CCDC192: variants seen among roughly 807,000 people sequenced by gnomAD.
CCDC192 encodes the protein coiled-coil domain containing 192, also known as coiled-coil domain-containing protein 192.
In CCDC192 at chr5:127,909,630, G is replaced by GA. The variant is rs529431358; in HGVS notation, c.536-31542dup. On this transcript the variant is annotated intron_variant, in intron 6 of 6. Transcript: ENST00000514853. ...TTCATTGTCACATTGCTAGTTAATG[G>GA]AAAAAAAAAACTAGAAGCAACTTTC... Among the ~76,000 whole-genome samples the GA allele has an allele frequency of 4.1e-3, 604 of 148,134 alleles. 2 individuals carry two copies. The highest frequency in any genetic ancestry group is 0.016 in the South Asian group (77 of 4,714).
chr5:127,922,006 G>A (rs914302763), intron 6 of CCDC192, among the ~76,000 whole-genome samples: 4 of 152,150 alleles, frequency 2.6e-5, no homozygotes, highest in African/African-American at 9.7e-5. Context: ...CTCTTCAAAT[G>A]ATAAATATGA....
At chr5:127,908,687 T>A (rs1240273807) in intron 6 of CCDC192, among the ~76,000 whole-genome samples, 1 of 152,214 alleles carries the variant, frequency 6.6e-6, no homozygotes. Flanking sequence ...TTTATTTTAT[T>A]TTTATTTCTC....
At chr5:127,852,595 T>A (rs1750849951) in intron 5 of CCDC192, among the ~76,000 whole-genome samples, 1 of 152,214 alleles carries the variant, frequency 6.6e-6, no homozygotes, top group Admixed American at 6.5e-5. Context: ...CTGTTGTCTT[T>A]GAAGCTTAGC....
intron 5 of CCDC192, among the ~76,000 whole-genome samples, chr5:127,827,167 T>TA (rs1193193098): frequency 1.3e-5 from 2 of 152,114 alleles, no homozygotes; most frequent in Non-Finnish European, 2.9e-5. Context: ...CTCTACAGAA[T>TA]AAAAAAATTA....
chr5:127,714,369 T>A (rs1751504065), intron 2 of CCDC192, among the ~76,000 whole-genome samples: 1 of 152,194 alleles, frequency 6.6e-6, no homozygotes, highest in Non-Finnish European at 1.5e-5. Flanking sequence ...GTAGTGGGGC[T>A]GTTGGATCAT....
intron 6 of CCDC192, among the ~76,000 whole-genome samples, chr5:127,917,882 G>C (rs1019709292): frequency 4.6e-5 from 7 of 152,172 alleles, no homozygotes; most frequent in Non-Finnish European, 8.8e-5. Context: ...GCTCACACCT[G>C]TAATCCCAGC....
At chr5:127,891,859 A>C (rs959520503) in intron 6 of CCDC192, among the ~76,000 whole-genome samples, 2 of 152,160 alleles carry the variant, frequency 1.3e-5, no homozygotes, top group Non-Finnish European at 2.9e-5. Context: ...TAGTGCTTTT[A>C]TGTATGGCAT....
chr5:127,801,022 C>G (rs1288773384), intron 5 of CCDC192, among the ~76,000 whole-genome samples: 1 of 152,118 alleles, frequency 6.6e-6, no homozygotes, highest in Non-Finnish European at 1.5e-5. Context: ...CTGGCACCAT[C>G]AAGCCCTATT....
chr5:127,938,262 T>G (rs1754239930), intron 6 of CCDC192, among the ~76,000 whole-genome samples: 1 of 152,236 alleles, frequency 6.6e-6, no homozygotes, highest in South Asian at 2.1e-4. Context: ...GCTGTGGTAG[T>G]GCATTCAGGC....
intron 5 of CCDC192, among the ~76,000 whole-genome samples, chr5:127,815,888 A>C (rs946373926): frequency 2.6e-5 from 4 of 152,122 alleles, no homozygotes; most frequent in Non-Finnish European, 5.9e-5. Context: ...TAAAAATAAA[A>C]GAGAGAGATG....
At chr5:127,702,242 A>G (rs987606243), upstream of CCDC192, among the ~76,000 whole-genome samples, 1 of 151,958 alleles carries the variant, frequency 6.6e-6, no homozygotes, top group Admixed American at 6.6e-5. Flanking sequence ...ACAGGCGCCC[A>G]CCACCACACC....
chr5:127,881,227 C>T (rs1037798205), intron 6 of CCDC192, among the ~76,000 whole-genome samples: 1 of 152,126 alleles, frequency 6.6e-6, no homozygotes, highest in African/African-American at 2.4e-5. Flanking sequence ...GATACATGGT[C>T]ACCTACTCTG....
At chr5:127,771,889 T>G (rs893153401) in intron 3 of CCDC192, among the ~76,000 whole-genome samples, 3 of 152,146 alleles carry the variant, frequency 2.0e-5, no homozygotes, top group Admixed American at 1.3e-4. Flanking sequence ...GAAGCAGGGA[T>G]TCTCCACGAG....
At chr5:127,752,285 G>C (rs528380973) in intron 2 of CCDC192, among the ~76,000 whole-genome samples, 1 of 152,230 alleles carries the variant, frequency 6.6e-6, no homozygotes, top group Admixed American at 6.5e-5. Flanking sequence ...GTTCAGATGG[G>C]TTTTTGGTGT....
In CCDC192 at chr5:127,719,568, C is replaced by CATATATATAT. The variant is rs142203401; in HGVS notation, c.114+11812_114+11821dup. Among the ~76,000 whole-genome samples the CATATATATAT allele has an allele frequency of 1.5e-3, 29 of 19,058 alleles. 1 individual carries two copies. The highest frequency in any genetic ancestry group is 2.8e-3 in the Admixed American group (3 of 1,076). 12.5% of individuals were successfully genotyped at this position (19,058 alleles called of 152,430 possible). ...ATATATATATATATATACACACATA[C>CATATATATAT]ATATATATATATACCAAGCAGTGGG... On this transcript the variant is annotated intron_variant, in intron 2 of 6. Transcript: ENST00000514853.
intron 6 of CCDC192, among the ~76,000 whole-genome samples, chr5:127,877,326 T>C (rs1752122903): frequency 1.4e-5 from 2 of 147,792 alleles, no homozygotes; most frequent in South Asian, 4.4e-4. Flanking sequence ...TTACCCTTTT[T>C]TTGCCCATTA....
At chr5:127,817,101 C>A (rs919814098) in intron 5 of CCDC192, among the ~76,000 whole-genome samples, 17 of 152,164 alleles carry the variant, frequency 1.1e-4, no homozygotes, top group Admixed American at 8.5e-4. Context: ...GATAGTCTTT[C>A]TTTTCCACCT....
chr5:127,887,195 G>A (rs967296788), intron 6 of CCDC192, among the ~76,000 whole-genome samples: 1 of 151,926 alleles, frequency 6.6e-6, no homozygotes, highest in Admixed American at 6.6e-5. Context: ...TGGGTGTGGT[G>A]GTGCATGCAT....
chr5:127,732,656 T>C (rs1205807636), intron 2 of CCDC192, among the ~76,000 whole-genome samples: 1 of 152,202 alleles, frequency 6.6e-6, no homozygotes, highest in Non-Finnish European at 1.5e-5. Flanking sequence ...TGGAGTACTA[T>C]GCAGTCATAA....
Sources: allele counts gnomAD v4.1 joint callset (sites outside exome capture counted in the v4.1 genomes callset), GRCh38; gene constraint gnomAD v4.1.1; transcripts MANE v1.5; gene names NCBI Gene and HGNC (gene_info 2026-07-23, HGNC 2026-07-21).